FRY: variants seen among roughly 807,000 people sequenced by gnomAD.
FRY encodes the protein protein furry homolog.
In FRY, 128 loss-of-function variants were observed where a neutral mutation model predicts 348.4. The ratio of observed to expected loss-of-function variants is 0.37; its 90% confidence interval spans 0.32 to 0.43. The LOEUF (loss-of-function observed/expected upper bound fraction) is 0.43, where lower values mean the gene tolerates loss of function less well. Ranked by LOEUF, FRY falls within the 20% of genes least tolerant of loss-of-function variation. FRY has a pLI of 1.00. For missense variants in FRY, 2,736 were observed against 3,695.2 expected, an observed-to-expected ratio of 0.74 and a Z score of 6.73; for synonymous variants, 1,370 against 1,374.7, an observed-to-expected ratio of 1.00 and a Z score of 0.08.
intron 26 of FRY, among the ~76,000 whole-genome samples, chr13:32,185,955 G>A (rs1883001952): frequency 1.3e-5 from 2 of 152,160 alleles, no homozygotes; most frequent in Admixed American, 1.3e-4. Context: ...TATGTAAGCA[G>A]CAGCTGAGTG....
chr13:32,042,971 T>C (rs560696492), intron 1 of FRY, among the ~76,000 whole-genome samples: 34 of 152,296 alleles, frequency 2.2e-4, no homozygotes, highest in East Asian at 2.1e-3. Context: ...AAAACTACAA[T>C]GGTATGTATT....
At position 32,262,426 on chromosome 13, in the gene FRY, A is replaced by G; in HGVS notation, c.7730A>G (p.Asp2577Gly). The change falls in exon 53 of 61, where the codon GAT becomes GGT. Residue 2577 changes from aspartate to glycine, a missense_variant. Asp to Gly is a moderately conservative substitution (Grantham distance 94). Coordinates refer to ENST00000542859, the MANE Select transcript of FRY (RefSeq NM_023037.3). ...TTTAACACCAGAATGTCCAGCTTTGATGCTTCCTTGCCTGATATGAATAAT... is the reference window on the plus strand; with the variant it reads ...TTTAACACCAGAATGTCCAGCTTTGGTGCTTCCTTGCCTGATATGAATAAT... ...HSFNTRMSSF[D>G]ASLPDMNNLQ... 6 of 1,613,648 alleles carry G rather than the reference A, an allele frequency of 3.7e-6. No homozygotes were observed. The highest frequency in any genetic ancestry group is 5.1e-6 in the Non-Finnish European group (6 of 1,179,612).
chr13:32,275,374 C>T (rs866030476), intron 56 of FRY, among the ~76,000 whole-genome samples: 7 of 151,944 alleles, frequency 4.6e-5, no homozygotes, highest in South Asian at 2.1e-4. Context: ...GGCGACAGAG[C>T]GAGACTCTGT....
chr13:32,033,830 A>G (rs1461630998), intron 1 of FRY, among the ~76,000 whole-genome samples: 1 of 152,224 alleles, frequency 6.6e-6, no homozygotes, highest in Non-Finnish European at 1.5e-5. Context: ...GGAAGAGGAA[A>G]TATACTTTGT....
chr13:32,257,830 A>G (rs943158285), intron 51 of FRY: 4 of 724,324 alleles, frequency 5.5e-6, no homozygotes, highest in Admixed American at 2.2e-5. Flanking sequence ...AGGTGCACCT[A>G]CTGAAGTGTA....
At chr13:32,290,674 C>T (rs762011730) in intron 59 of FRY, among the ~76,000 whole-genome samples, 3 of 151,960 alleles carry the variant, frequency 2.0e-5, no homozygotes, top group Non-Finnish European at 4.4e-5. Flanking sequence ...CTGATGACAG[C>T]TAGAACAGAG....
At chr13:32,083,477 T>C (rs892053963) in intron 2 of FRY, among the ~76,000 whole-genome samples, 2 of 152,184 alleles carry the variant, frequency 1.3e-5, no homozygotes, top group African/African-American at 4.8e-5. Flanking sequence ...GATTTCTTTT[T>C]ATGTACTTTG....
At chr13:32,114,801 G>A (rs1878197711) in intron 3 of FRY, among the ~76,000 whole-genome samples, 1 of 152,102 alleles carries the variant, frequency 6.6e-6, no homozygotes, top group African/African-American at 2.4e-5. Context: ...CTCATGTTGG[G>A]ATAACTTTAG....
chr13:32,221,969 G>A (rs1885339464), intron 36 of FRY, among the ~76,000 whole-genome samples: 1 of 152,204 alleles, frequency 6.6e-6, no homozygotes, highest in African/African-American at 2.4e-5. Context: ...TTAGAGTTGG[G>A]GAGGGAGGTG....
chr13:32,263,552 C>A (rs1000430090), intron 53 of FRY, among the ~76,000 whole-genome samples: 3 of 151,822 alleles, frequency 2.0e-5, no homozygotes, highest in East Asian at 1.9e-4. Flanking sequence ...ACAAAAAGCC[C>A]AGAAAGAAAA....
Position 32,295,467 on chromosome 13 carries a change from C to A in FRY, c.*7C>A. The A allele has an allele frequency of 6.2e-7, 1 of 1,607,778 alleles. No individual in the cohort carries two copies. The highest frequency in any genetic ancestry group is 8.5e-7 in the Non-Finnish European group (1 of 1,178,666). ...TTCTGGCACTAGTCTCTGACAGGAG[C>A]CTCCTGTCCCCACTGGGTTCCAAAC... On this transcript the variant is annotated 3_prime_UTR_variant, in exon 61 of 61. Transcript: ENST00000542859.
intron 10 of FRY, among the ~76,000 whole-genome samples, chr13:32,135,459 A>T (rs1879653606): frequency 6.6e-6 from 1 of 152,082 alleles, no homozygotes; most frequent in African/African-American, 2.4e-5. Flanking sequence ...CTTGATTTTT[A>T]TTTTAATTTC....
chr13:32,109,090 G>A (rs1050392056), intron 3 of FRY, among the ~76,000 whole-genome samples: 2 of 151,998 alleles, frequency 1.3e-5, no homozygotes, highest in South Asian at 2.1e-4. Context: ...AAGCTAAAGG[G>A]GCCTAAACTA....
chr13:32,208,999 A>G lies in FRY; in HGVS notation c.4165A>G (p.Lys1389Glu), dbSNP rs1884519457. The change falls in exon 32 of 61, where the codon AAG becomes GAG. Residue 1389 changes from lysine (K) to glutamate (E), a missense_variant. Coordinates refer to ENST00000542859, the MANE Select transcript of FRY (RefSeq NM_023037.3). Reference sequence around the variant, plus strand: ...CCCCAGCAGCCCAGAGGACGAAGTCAAGGACCGGGAAGGTGACGTGACTGC... The same window carrying G: ...CCCCAGCAGCCCAGAGGACGAAGTCGAGGACCGGGAAGGTGACGTGACTGC... ...SSPSSPEDEVKDREGDVTASH... is the reference protein window; with the variant it reads ...SSPSSPEDEVEDREGDVTASH... The G allele has an allele frequency of 3.7e-6, 6 of 1,614,164 alleles. No homozygotes were observed. The highest frequency in any genetic ancestry group is 5.1e-6 in the Non-Finnish European group (6 of 1,180,032).
chr13:32,061,635 C>T (rs1300033398), intron 1 of FRY, among the ~76,000 whole-genome samples: 1 of 152,126 alleles, frequency 6.6e-6, no homozygotes. Flanking sequence ...GGCCTAAAAG[C>T]AGTTTTTTTC....
intron 14 of FRY, among the ~76,000 whole-genome samples, chr13:32,154,436 A>G (rs9567297): frequency 0.27 from 41,358 of 152,072 alleles, 5,871 homozygotes; most frequent in East Asian, 0.47. Context: ...ATAGAAGTCT[A>G]TGTTACTTTA....
chr13:32,228,147 CCATGCATG>C (rs759405222), intron 39 of FRY, among the ~76,000 whole-genome samples: 2 of 152,164 alleles, frequency 1.3e-5, no homozygotes, highest in Non-Finnish European at 2.9e-5. Context: ...TTTGCCTGGT[CCATGCATG>C]CATACAAACA....
chr13:32,147,009 CCT>C (rs1363657319), intron 11 of FRY, among the ~76,000 whole-genome samples: 1 of 152,126 alleles, frequency 6.6e-6, no homozygotes, highest in African/African-American at 2.4e-5. Flanking sequence ...GAGAAGATAA[CCT>C]CTTGAGTACT....
At chr13:32,146,803 C>T (rs1180347556) in intron 11 of FRY, among the ~76,000 whole-genome samples, 2 of 152,184 alleles carry the variant, frequency 1.3e-5, no homozygotes, top group Non-Finnish European at 1.5e-5. Flanking sequence ...TTTATCTCTG[C>T]ATCTCAGGTT....
Sources: gnomAD v4.1 joint callset for allele counts (sites outside exome capture counted in the v4.1 genomes callset) on GRCh38, gnomAD v4.1.1 for gene constraint, MANE v1.5 for transcripts, NCBI Gene and HGNC (gene_info 2026-07-23, HGNC 2026-07-21) for gene names.